CTNNA3: variants seen among roughly 807,000 people sequenced by gnomAD.
The protein encoded by CTNNA3 is catenin alpha 3, also known as catenin alpha-3.
Under a neutral mutation model 95.7 loss-of-function variants are expected in CTNNA3, and 76 were observed. The ratio of observed to expected loss-of-function variants is 0.79; its 90% CI spans 0.66 to 0.96. The LOEUF is 0.96. Among genes scored for constraint, CTNNA3 ranks in the 40% least tolerant of loss-of-function variants. The pLI is 0.00. For missense variants in CTNNA3, 1,191 were observed against 1,089.8 expected (o/e 1.09, Z -1.31); for synonymous variants, 431 against 374.4 (o/e 1.15, Z -1.74).
intron 12 of CTNNA3, among the ~76,000 whole-genome samples, chr10:66,286,361 G>A (rs2091588799): frequency 6.6e-6 from 1 of 151,818 alleles, no homozygotes; most frequent in African/African-American, 2.4e-5. Flanking sequence ...TAAGACTAGG[G>A]ATTACTTTGA....
At chr10:66,670,853 T>G (rs973929208) in intron 9 of CTNNA3, among the ~76,000 whole-genome samples, 13 of 152,188 alleles carry the variant, frequency 8.5e-5, no homozygotes, top group Non-Finnish European at 2.9e-5. Flanking sequence ...AATTGGCAGT[T>G]TGATTTATAT....
intron 10 of CTNNA3, among the ~76,000 whole-genome samples, chr10:66,562,536 G>T (rs1842584801): frequency 6.6e-6 from 1 of 151,920 alleles, no homozygotes; most frequent in South Asian, 2.1e-4. Context: ...AATTTTAAAA[G>T]AAAGCCACCA....
At chr10:66,018,531 G>T (rs183596544) in intron 15 of CTNNA3, among the ~76,000 whole-genome samples, 1 of 152,028 alleles carries the variant, frequency 6.6e-6, no homozygotes, top group East Asian at 1.9e-4. Context: ...TTCTTTATAA[G>T]CACTCACAAT....
intron 7 of CTNNA3, among the ~76,000 whole-genome samples, chr10:67,055,479 A>G (rs1855367271): frequency 6.6e-6 from 1 of 152,170 alleles, no homozygotes; most frequent in Non-Finnish European, 1.5e-5. Flanking sequence ...TGTTTTAACC[A>G]AACAGACTAA....
chr10:66,905,389 A>G (rs918116294), intron 7 of CTNNA3, among the ~76,000 whole-genome samples: 19 of 152,268 alleles, frequency 1.2e-4, no homozygotes, highest in African/African-American at 4.6e-4. Flanking sequence ...GGACTGGGGA[A>G]GGGATAGCAT....
At chr10:67,139,520 C>T (rs1032309308) in intron 7 of CTNNA3, among the ~76,000 whole-genome samples, 2 of 151,922 alleles carry the variant, frequency 1.3e-5, no homozygotes, top group Admixed American at 1.3e-4. Flanking sequence ...TCAAGCAATT[C>T]TCCTGCCTCA....
At chr10:66,345,634 T>TA (rs2132369965) in intron 12 of CTNNA3, among the ~76,000 whole-genome samples, 1 of 152,232 alleles carries the variant, frequency 6.6e-6, no homozygotes, top group Admixed American at 6.5e-5. Context: ...TTTTAAAGAA[T>TA]AAAGGTGTTA....
At chr10:67,739,587 A>G (rs1181408163) in intron 1 of CTNNA3, among the ~76,000 whole-genome samples, 2 of 151,962 alleles carry the variant, frequency 1.3e-5, no homozygotes, top group African/African-American at 4.8e-5. Context: ...ATACCTAGGA[A>G]TCCACCTTAC....
chr10:66,966,947 A>C (rs1215244046), intron 7 of CTNNA3, among the ~76,000 whole-genome samples: 1 of 152,022 alleles, frequency 6.6e-6, no homozygotes, highest in African/African-American at 2.4e-5. Context: ...TTAGAAGAGA[A>C]ATTTTTTGTA....
At chr10:67,096,440 A>G (rs1322955934) in intron 7 of CTNNA3, among the ~76,000 whole-genome samples, 1 of 151,840 alleles carries the variant, frequency 6.6e-6, no homozygotes, top group Admixed American at 6.6e-5. Context: ...TAAGATCAGA[A>G]AGGAAGTTAG....
In CTNNA3 at chr10:66,437,581, G is replaced by C. The variant is rs557703811; in HGVS notation, c.1532-58229C>G. 2.0e-5 allele frequency among the ~76,000 whole-genome samples: 3 copies of C among 151,080 alleles called. No individual in the cohort carries two copies. In the South Asian group the frequency reaches 6.3e-4, roughly 32 times the overall value. ...TCTAAACTGCTTATTCCAGTTAGCA[G>C]TTCCTAGGGAGACCTAGGGGAATCT... On this transcript the variant is annotated intron_variant, in intron 11 of 17. Transcript: ENST00000433211.
Position 66,701,760 on chromosome 10 carries a change from A to G in CTNNA3, c.1281+64504T>C, listed in dbSNP as rs571132212. Among the ~76,000 whole-genome samples the G allele has an allele frequency of 8.5e-5, 13 of 152,246 alleles. 1 individual carries two copies. The East Asian group carries it at 2.1e-3, about 25-fold the overall frequency. On this transcript the variant is annotated intron_variant, in intron 9 of 17. Transcript: ENST00000433211. Reference sequence around the variant, plus strand: ...TAGTAGAGGTTGAATAACCCTATCCAATACACTTGGAATCAGAAGTGTTTC... The same window carrying G: ...TAGTAGAGGTTGAATAACCCTATCCGATACACTTGGAATCAGAAGTGTTTC...
intron 14 of CTNNA3, among the ~76,000 whole-genome samples, chr10:66,071,997 G>T (rs73310124): frequency 6.6e-6 from 1 of 152,134 alleles, no homozygotes; most frequent in Non-Finnish European, 1.5e-5. Flanking sequence ...TAAAGGACAA[G>T]ATAGTGATAT....
At chr10:67,542,478 C>A (rs577813922) in intron 3 of CTNNA3, among the ~76,000 whole-genome samples, 7 of 152,220 alleles carry the variant, frequency 4.6e-5, no homozygotes, top group Admixed American at 2.0e-4. Flanking sequence ...CATTGACTAT[C>A]TACTGCCAAA....
At chr10:66,405,719 C>A (rs1174424025) in intron 11 of CTNNA3, among the ~76,000 whole-genome samples, 2 of 152,156 alleles carry the variant, frequency 1.3e-5, no homozygotes, top group African/African-American at 4.8e-5. Context: ...TCATAATGTA[C>A]TTGACTCAGA....
At chr10:66,824,546 G>A (rs1054870059) in intron 7 of CTNNA3, among the ~76,000 whole-genome samples, 1 of 151,938 alleles carries the variant, frequency 6.6e-6, no homozygotes, top group Non-Finnish European at 1.5e-5. Context: ...TGATTTGAGG[G>A]GAATATGAGG....
At chr10:67,392,002 C>A (rs1844513138) in intron 5 of CTNNA3, among the ~76,000 whole-genome samples, 1 of 151,634 alleles carries the variant, frequency 6.6e-6, no homozygotes, top group East Asian at 1.9e-4. Context: ...TGGGCAAGGA[C>A]TTCATGTCTA....
chr10:65,934,717 G>A (rs139070203), intron 17 of CTNNA3, among the ~76,000 whole-genome samples: 13 of 152,108 alleles, frequency 8.5e-5, no homozygotes, highest in African/African-American at 3.1e-4. Flanking sequence ...GGGCAGAGAG[G>A]TCAATCAAAA....
intron 9 of CTNNA3, among the ~76,000 whole-genome samples, chr10:66,702,707 C>CAAAAA (rs36140474): frequency 1.2e-5 from 1 of 81,248 alleles, no homozygotes; most frequent in Non-Finnish European, 2.3e-5. Flanking sequence ...AACTCCACCT[C>CAAAAA]AAAAAAAAAA....
Sources: allele counts gnomAD v4.1 joint callset (sites outside exome capture counted in the v4.1 genomes callset), GRCh38; gene constraint gnomAD v4.1.1; transcripts MANE v1.5; gene names NCBI Gene and HGNC (gene_info 2026-07-23, HGNC 2026-07-21).